The following SPRY3 variants were observed in gnomAD, a reference collection of about 807,000 sequenced individuals.
The protein encoded by SPRY3 is sprouty RTK signaling antagonist 3, also known as protein sprouty homolog 3.
A neutral mutation model predicts 20.2 loss-of-function variants in SPRY3; 15 were observed. The ratio of observed to expected loss-of-function variants is 0.74; its 90% CI spans 0.50 to 1.14. The LOEUF (loss-of-function observed/expected upper bound fraction) is 1.14, where lower values mean the gene tolerates loss of function less well. Ranked by LOEUF, SPRY3 falls within the 50% of genes most tolerant of loss-of-function variation. The pLI, the probability that SPRY3 is intolerant of heterozygous loss-of-function variation, is 0.00. For synonymous variants in SPRY3, 143 were observed against 136.5 expected, an observed-to-expected ratio of 1.05 and a Z score of -0.33; for missense variants, 364 against 363.9, an observed-to-expected ratio of 1.00 and a Z score of 0.00.
intron 1 of SPRY3, among the ~76,000 whole-genome samples, chrX:155,617,659 C>T (rs1429344279): frequency 5.4e-5 from 6 of 111,310 alleles, no homozygotes; most frequent in Middle Eastern, 4.2e-3. Context: ...GATGTTGGGA[C>T]GGGTAAACAT....
At chrX:155,677,144 G>T (rs2124564248) in intron 2 of SPRY3, among the ~76,000 whole-genome samples, 1 of 111,757 alleles carries the variant, frequency 8.9e-6, no homozygotes, top group African/African-American at 3.2e-5. Context: ...ATTTGCAAAT[G>T]AACCATAAAT....
At chrX:155,720,602 G>C (rs764852084) in intron 2 of SPRY3, among the ~76,000 whole-genome samples, 6 of 152,166 alleles carry the variant, frequency 3.9e-5, no homozygotes, top group Non-Finnish European at 5.9e-5. Context: ...TCAGAACACA[G>C]AGAGAGAGAG....
At chrX:155,653,079 A>G (rs1241661693) in intron 1 of SPRY3, among the ~76,000 whole-genome samples, 1 of 111,108 alleles carries the variant, frequency 9.0e-6, no homozygotes, top group Non-Finnish European at 1.9e-5. Context: ...TCTCATTATT[A>G]TTGAGTTGTA....
chrX:155,768,255 G>GGC (rs1556231904), intron 3 of SPRY3, 119 bp downstream of exon 2: 3 of 151,354 alleles, frequency 2.0e-5, no homozygotes, highest in East Asian at 2.0e-4. Flanking sequence ...CGCGCGCTTG[G>GGC]GCGCGCGCGC....
chrX:155,750,686 G>T (rs2091257907), intron 2 of SPRY3, among the ~76,000 whole-genome samples: 2 of 151,812 alleles, frequency 1.3e-5, no homozygotes, highest in Admixed American at 6.6e-5. Flanking sequence ...AATGTCATCA[G>T]TTAAGAGTGA....
intron 1 of SPRY3, among the ~76,000 whole-genome samples, chrX:155,643,347 G>T (rs1308016725): frequency 2.7e-5 from 3 of 111,343 alleles, no homozygotes; most frequent in African/African-American, 9.8e-5. Flanking sequence ...TTTAGTCTGT[G>T]TGTGTCTGTA....
At chrX:155,777,995 G>A (rs148547495), downstream of SPRY3, 1,227 of 166,922 alleles carry the variant, frequency 7.4e-3, 9 homozygotes, top group Non-Finnish European at 0.011. Flanking sequence ...ACTATTTTTA[G>A]CATGTTATTT....
chrX:155,679,263 C>A (rs886658396), intron 2 of SPRY3, among the ~76,000 whole-genome samples: 4 of 110,768 alleles, frequency 3.6e-5, no homozygotes, highest in African/African-American at 1.3e-4. Context: ...AAGAATAAGA[C>A]TGTCAATCTA....
At chrX:155,648,570 G>T (rs1012711402) in intron 1 of SPRY3, among the ~76,000 whole-genome samples, 1 of 112,184 alleles carries the variant, frequency 8.9e-6, no homozygotes, top group Non-Finnish European at 1.9e-5. Context: ...TTTCCCCATT[G>T]CTTGTTTTTG....
chrX:155,765,620 C>CT (rs1457044201), intron 2 of SPRY3, among the ~76,000 whole-genome samples: 8 of 152,228 alleles, frequency 5.3e-5, no homozygotes, highest in Admixed American at 1.3e-4. Context: ...ATCAATTTAA[C>CT]TTTTTTTGTC....
intron 3 of SPRY3, among the ~76,000 whole-genome samples, chrX:155,773,407 C>A (rs947783266): frequency 6.8e-6 from 1 of 146,650 alleles, no homozygotes; most frequent in Non-Finnish European, 1.5e-5. Context: ...CAGAAAATAG[C>A]CTTTGCAGTT....
intron 2 of SPRY3, among the ~76,000 whole-genome samples, chrX:155,717,224 C>T (rs1413238315): frequency 1.3e-5 from 2 of 150,592 alleles, no homozygotes; most frequent in African/African-American, 2.4e-5. Context: ...CCTGTCTATG[C>T]TTGTTATCTT....
At chrX:155,703,740 C>G (rs2090928079) in intron 2 of SPRY3, among the ~76,000 whole-genome samples, 1 of 151,140 alleles carries the variant, frequency 6.6e-6, no homozygotes, top group South Asian at 2.1e-4. Flanking sequence ...CCTGCTTTCT[C>G]TTGTAGGCAT....
At chrX:155,767,705 A>AGGAGGAGTAGGAGG (rs1569399893) in intron 2 of SPRY3, 2 of 102,664 alleles carry the variant, frequency 1.9e-5, no homozygotes, top group Non-Finnish European at 2.0e-5. Flanking sequence ...GAGGAGAAAG[A>AGGAGGAGTAGGAGG]AGAGGAGGAG....
rs2068051640 is a variant in SPRY3, at chrX:155,673,842, T to A, written c.-282+16817T>A. On this transcript the variant is annotated intron_variant, in intron 2 of 3. Transcript: ENST00000675360. ...GATTCCACCATCAATGCACAAAGGA[T>A]AGGATTCCTCCTCCAGGTTCCAAAC... Among the ~76,000 whole-genome samples the A allele has an allele frequency of 2.7e-5, 3 of 112,209 alleles. 1 individual carries two copies. The Admixed American group carries it at 2.8e-4, about 11-fold the overall frequency.
intron 2 of SPRY3, among the ~76,000 whole-genome samples, chrX:155,696,232 C>G (rs922587956): frequency 9.3e-6 from 1 of 107,394 alleles, no homozygotes; most frequent in African/African-American, 3.4e-5. Flanking sequence ...CACACACACA[C>G]ACATATATAT....
At chrX:155,767,043 C>A (rs2091335562) in intron 2 of SPRY3, among the ~76,000 whole-genome samples, 2 of 152,036 alleles carry the variant, frequency 1.3e-5, no homozygotes, top group Non-Finnish European at 1.5e-5. Context: ...AATGAGACCT[C>A]CTTAAAATTG....
intron 2 of SPRY3, among the ~76,000 whole-genome samples, chrX:155,666,107 G>A (rs1311251680): frequency 9.0e-6 from 1 of 110,723 alleles, no homozygotes; most frequent in Non-Finnish European, 1.9e-5. Flanking sequence ...TGAAGGATCA[G>A]CAAGTGCAAA....
intron 2 of SPRY3, among the ~76,000 whole-genome samples, chrX:155,735,515 A>AG: frequency 6.6e-6 from 1 of 152,086 alleles, no homozygotes; most frequent in Non-Finnish European, 1.5e-5. Flanking sequence ...AGATACATGA[A>AG]GGATTGTTGT....
Sources: gnomAD v4.1 joint callset for allele counts (sites outside exome capture counted in the v4.1 genomes callset) on GRCh38, gnomAD v4.1.1 for gene constraint, MANE v1.5 for transcripts, NCBI Gene and HGNC (gene_info 2026-07-23, HGNC 2026-07-21) for gene names.